Variants in CAPN8 observed in about 807,000 individuals in gnomAD.
CAPN8 encodes the protein calpain-8.
A neutral mutation model predicts 80.9 loss-of-function variants in CAPN8; 87 were observed. That is an observed-to-expected ratio of 1.07 (90% CI 0.90 to 1.28). CAPN8 has a LOEUF of 1.28. Ranked by LOEUF, CAPN8 falls within the 50% of genes most tolerant of loss-of-function variation. The pLI is 0.00. For missense variants in CAPN8, 757 were observed against 702.0 expected, an observed-to-expected ratio of 1.08 and a Z score of -0.89; for synonymous variants, 299 against 273.8, an observed-to-expected ratio of 1.09 and a Z score of -0.91.
At chr1:223,629,448 C>G (rs36011221) in intron 2 of CAPN8, among the ~76,000 whole-genome samples, 28,923 of 152,062 alleles carry the variant, frequency 0.19, 2,856 homozygotes, top group Middle Eastern at 0.22. Context: ...TTTTGGTGTT[C>G]GTCACATTGG....
chr1:223,613,346 C>T (rs1029658259), intron 10 of CAPN8, among the ~76,000 whole-genome samples: 7 of 152,254 alleles, frequency 4.6e-5, no homozygotes, highest in Non-Finnish European at 1.0e-4. Flanking sequence ...CATGCAGAGG[C>T]CTCACAAGTA....
intron 1 of CAPN8, among the ~76,000 whole-genome samples, chr1:223,656,534 C>A (rs1452609671): frequency 6.6e-6 from 1 of 151,976 alleles, no homozygotes; most frequent in African/African-American, 2.4e-5. Flanking sequence ...AGAAAAAAAA[C>A]CCAACAGTAA....
chr1:223,611,973 C>T (rs1461506728), intron 11 of CAPN8, among the ~76,000 whole-genome samples: 1 of 152,214 alleles, frequency 6.6e-6, no homozygotes, highest in Non-Finnish European at 1.5e-5. Flanking sequence ...CTTGGCTGCC[C>T]ATTGGAATCA....
chr1:223,645,418 G>A (rs1020125366), intron 2 of CAPN8, among the ~76,000 whole-genome samples: 22 of 152,192 alleles, frequency 1.4e-4, no homozygotes, highest in Admixed American at 3.3e-4. Context: ...GTTGACACTC[G>A]GTATTAACCA....
chr1:223,664,724 G>T (rs2102743901), intron 1 of CAPN8, among the ~76,000 whole-genome samples: 1 of 152,256 alleles, frequency 6.6e-6, no homozygotes, highest in East Asian at 1.9e-4. Flanking sequence ...GATGGCTTAA[G>T]CCCAGGAGTC....
At chr1:223,661,166 A>C (rs1202821439) in intron 1 of CAPN8, among the ~76,000 whole-genome samples, 11 of 57,862 alleles carry the variant, frequency 1.9e-4, no homozygotes, top group Non-Finnish European at 4.7e-4. Flanking sequence ...ACCCTGTCTT[A>C]AAAAAAAAAA....
chr1:223,551,982 A>G (rs1485123661), intron 14 of CAPN8, among the ~76,000 whole-genome samples: 1 of 152,220 alleles, frequency 6.6e-6, no homozygotes, highest in African/African-American at 2.4e-5. Context: ...ACACTGAGCC[A>G]GAGGGAAGAG....
At chr1:223,544,923 C>A in intron 17 of CAPN8, 73 bp from the exon 18 acceptor site, 1 of 1,547,182 alleles carries the variant, frequency 6.5e-7, no homozygotes, top group South Asian at 1.2e-5. Flanking sequence ...CCCTCCACCA[C>A]ACTGCTTTCT....
intron 6 of CAPN8, among the ~76,000 whole-genome samples, chr1:223,625,038 A>G (rs1383240598): frequency 6.6e-6 from 1 of 152,194 alleles, no homozygotes; most frequent in Non-Finnish European, 1.5e-5. Flanking sequence ...GCTTGCAGTG[A>G]GCCGAGATTG....
chr1:223,547,985 G>A (rs1023689682), intron 16 of CAPN8, among the ~76,000 whole-genome samples: 13 of 152,204 alleles, frequency 8.5e-5, no homozygotes, highest in African/African-American at 3.1e-4. Flanking sequence ...TGCAGGGAGT[G>A]GCCGACTGAA....
intron 1 of CAPN8, among the ~76,000 whole-genome samples, chr1:223,661,967 C>T (rs961082764): frequency 6.6e-6 from 1 of 152,144 alleles, no homozygotes; most frequent in Non-Finnish European, 1.5e-5. Flanking sequence ...ATAGACACCA[C>T]AGAATACTAT....
chr1:223,541,896 T>C lies in CAPN8; in HGVS notation c.2089-37A>G, dbSNP rs778311593. 5.8e-6 allele frequency: 9 copies of C among 1,551,366 alleles called. No homozygotes were observed. The South Asian group carries it at 8.3e-5, about 14-fold the overall frequency. ...AGGGACAAGATTGAGTCTTGGCTTC[T>C]CAGGGGCTGGTGTGCTTTCACCATT... is the stretch of plus-strand genomic sequence containing the variant. On this transcript the variant is annotated intron_variant, in intron 20 of 20. Transcript: ENST00000366872.
intron 16 of CAPN8, among the ~76,000 whole-genome samples, chr1:223,546,452 G>C (rs1656625191): frequency 6.6e-6 from 1 of 152,128 alleles, no homozygotes; most frequent in Non-Finnish European, 1.5e-5. Context: ...CAAACAAAAA[G>C]TCCTGTAAGC....
At chr1:223,542,710 T>G (rs1656501528) in intron 20 of CAPN8, among the ~76,000 whole-genome samples, 1 of 152,164 alleles carries the variant, frequency 6.6e-6, no homozygotes, top group African/African-American at 2.4e-5. Context: ...GTAAAAACAC[T>G]TGTTCATTTT....
rs1656855365 is a variant in CAPN8, at chr1:223,554,010, T to A, written c.1573-110A>T. 1.3e-5 allele frequency: 5 copies of A among 395,590 alleles called. 1 individual carries two copies. The Admixed American group carries it at 2.2e-4, about 17-fold the overall frequency. 24.5% of individuals were successfully genotyped at this position (395,590 alleles called of 1,614,324 possible). ...ATTAGTATCTATGATGCACCTACTATGTGCCAGGCTTTGGGCTAAGTGGGG... is the reference window on the plus strand; with the variant it reads ...ATTAGTATCTATGATGCACCTACTAAGTGCCAGGCTTTGGGCTAAGTGGGG... On this transcript the variant is annotated intron_variant, in intron 13 of 20. Transcript: ENST00000366872.
intron 1 of CAPN8, among the ~76,000 whole-genome samples, chr1:223,659,927 C>A (rs1454140361): frequency 6.6e-6 from 1 of 152,144 alleles, no homozygotes; most frequent in African/African-American, 2.4e-5. Flanking sequence ...GCCAGCTGTC[C>A]ACTTGTCCGT....
At chr1:223,649,394 G>A (rs1296920897) in intron 2 of CAPN8, among the ~76,000 whole-genome samples, 2 of 152,204 alleles carry the variant, frequency 1.3e-5, no homozygotes, top group African/African-American at 4.8e-5. Flanking sequence ...GGGGTCCCCA[G>A]GATGCAGTGA....
At chr1:223,646,997 C>T (rs1398352303) in intron 2 of CAPN8, among the ~76,000 whole-genome samples, 1 of 152,144 alleles carries the variant, frequency 6.6e-6, no homozygotes, top group Non-Finnish European at 1.5e-5. Context: ...GAGAGCACCC[C>T]CTGGCCTGGC....
intron 13 of CAPN8, among the ~76,000 whole-genome samples, chr1:223,554,497 G>A (rs897673750): frequency 3.3e-5 from 5 of 152,114 alleles, no homozygotes; most frequent in South Asian, 2.1e-4. Context: ...GTGCACGCCT[G>A]TAGTCCCATC....
Sources: allele counts gnomAD v4.1 joint callset (sites outside exome capture counted in the v4.1 genomes callset), GRCh38; gene constraint gnomAD v4.1.1; transcripts MANE v1.5; gene names NCBI Gene and HGNC (gene_info 2026-07-23, HGNC 2026-07-21).